CEP63: variants seen among roughly 807,000 people sequenced by gnomAD.
CEP63 encodes centrosomal protein 63.
A neutral mutation model predicts 89.1 loss-of-function variants in CEP63; 84 were observed. That is an observed-to-expected ratio of 0.94 (90% CI 0.79 to 1.13). The LOEUF (loss-of-function observed/expected upper bound fraction) is 1.13, where lower values mean the gene tolerates loss of function less well. Among genes scored for constraint, CEP63 ranks in the 50% most tolerant of loss-of-function variants. The pLI is 0.00. For missense variants in CEP63, 838 were observed against 813.3 expected (o/e 1.03, Z -0.37); for synonymous variants, 267 against 272.5 (o/e 0.98, Z 0.20).
intron 2 of CEP63, among the ~76,000 whole-genome samples, chr3:134,502,648 T>C (rs767398100): frequency 6.6e-5 from 10 of 152,306 alleles, no homozygotes; most frequent in Middle Eastern, 3.4e-3. Flanking sequence ...TTTGTACTTC[T>C]ATGGGATTGG....
chr3:134,500,915 G>A (rs1224928082), intron 2 of CEP63, among the ~76,000 whole-genome samples: 1 of 152,022 alleles, frequency 6.6e-6, no homozygotes, highest in East Asian at 1.9e-4. Flanking sequence ...TCTCTGCCTA[G>A]GCCAGTGTCC....
At chr3:134,544,949 G>A (rs1435131466) in intron 6 of CEP63, among the ~76,000 whole-genome samples, 1 of 152,096 alleles carries the variant, frequency 6.6e-6, no homozygotes, top group Non-Finnish European at 1.5e-5. Context: ...CTGGGTTCAT[G>A]TGATCCTCCC....
At position 134,528,252 on chromosome 3, in the gene CEP63, C is replaced by A. The variant is rs368252124; in HGVS notation, c.223-3593C>A. On this transcript the variant is annotated intron_variant, in intron 3 of 14. Transcript: ENST00000675561. The stretch of plus-strand genomic sequence containing the variant: ...TCCATCCACTCTTCAGTGACCCCCT[C>A]TGAAGATCTGTTAGGAGCACACCAG... 2.0e-5 allele frequency among the ~76,000 whole-genome samples: 3 copies of A among 152,280 alleles called. No individual in the cohort carries two copies. In the South Asian group the frequency reaches 6.2e-4, roughly 32 times the overall value.
the CEP63 span, among the ~76,000 whole-genome samples, chr3:134,622,696 T>TA: frequency 1.2e-4 from 19 of 152,104 alleles, no homozygotes; most frequent in South Asian, 2.1e-4. Flanking sequence ...TATTTTATGA[T>TA]AAAAAAAGAA....
At chr3:134,680,934 C>T in the CEP63 span, among the ~76,000 whole-genome samples, 1 of 152,232 alleles carries the variant, frequency 6.6e-6, no homozygotes, top group African/African-American at 2.4e-5. Context: ...TTCTTGCCTC[C>T]TGCCCTGGCA....
the CEP63 span, among the ~76,000 whole-genome samples, chr3:134,731,159 G>C: frequency 6.6e-6 from 1 of 152,118 alleles, no homozygotes; most frequent in African/African-American, 2.4e-5. Flanking sequence ...AATTGACAAA[G>C]ACACAACACA....
chr3:134,673,743 C>A, the CEP63 span, among the ~76,000 whole-genome samples: 4 of 152,164 alleles, frequency 2.6e-5, no homozygotes, highest in Non-Finnish European at 4.4e-5. Context: ...CAGCAGATGA[C>A]CTCATCTCCT....
intron 12 of CEP63, among the ~76,000 whole-genome samples, chr3:134,557,517 T>G (rs1407946987): frequency 6.6e-6 from 1 of 151,766 alleles, no homozygotes; most frequent in Non-Finnish European, 1.5e-5. Flanking sequence ...ACTACCATTT[T>G]TTCAAGTAGT....
chr3:134,753,476 G>A, the CEP63 span, among the ~76,000 whole-genome samples: 2 of 152,132 alleles, frequency 1.3e-5, no homozygotes, highest in Admixed American at 1.3e-4. Flanking sequence ...AAGGACCCTT[G>A]GTCTCCATAG....
At chr3:134,559,050 C>T in intron 13 of CEP63, 100 bp from the exon 14 acceptor site, 2 of 1,229,738 alleles carry the variant, frequency 1.6e-6, no homozygotes, top group Non-Finnish European at 2.4e-6. Flanking sequence ...AAATTGTAGC[C>T]TTATTAGTTA....
chr3:134,508,971 CTT>C (rs34900338), intron 3 of CEP63, among the ~76,000 whole-genome samples: 2 of 142,342 alleles, frequency 1.4e-5, no homozygotes, highest in African/African-American at 2.6e-5. Flanking sequence ...TTCTTTCTTG[CTT>C]TTTTTTTTTT....
chr3:134,707,623 A>C, the CEP63 span, among the ~76,000 whole-genome samples: 2 of 152,310 alleles, frequency 1.3e-5, no homozygotes, highest in East Asian at 1.9e-4. Flanking sequence ...GCTGTTAGGC[A>C]CAGACTTGAC....
chr3:134,574,658 A>G (rs536336651), intron 11 of CEP63: 28 of 403,304 alleles, frequency 6.9e-5, no homozygotes, highest in South Asian at 4.2e-4. Context: ...CCCAGGCTGG[A>G]GTTCAGTGGT....
the CEP63 span, among the ~76,000 whole-genome samples, chr3:134,675,189 G>T: frequency 3.0e-4 from 46 of 152,260 alleles, no homozygotes; most frequent in Middle Eastern, 3.4e-3. Context: ...TGAATAGACA[G>T]ATAGATAAAT....
chr3:134,738,541 T>G, the CEP63 span, among the ~76,000 whole-genome samples: 9 of 152,102 alleles, frequency 5.9e-5, no homozygotes, highest in Non-Finnish European at 1.0e-4. Flanking sequence ...TATCATATGT[T>G]GTCACTGATA....
chr3:134,565,553 G>A (rs1159390244), downstream of CEP63, among the ~76,000 whole-genome samples: 3 of 152,130 alleles, frequency 2.0e-5, no homozygotes, highest in Non-Finnish European at 4.4e-5. Context: ...AGTTAGAAAT[G>A]TGTCAGCTTG....
At chr3:134,690,138 G>A in the CEP63 span, among the ~76,000 whole-genome samples, 459 of 152,122 alleles carry the variant, frequency 3.0e-3, 1 homozygote, top group Non-Finnish European at 3.5e-3. Context: ...CCTTTGCTTG[G>A]ATAATTAGTA....
At chr3:134,708,725 C>T in the CEP63 span, among the ~76,000 whole-genome samples, 2 of 152,114 alleles carry the variant, frequency 1.3e-5, no homozygotes, top group Admixed American at 6.5e-5. Flanking sequence ...CCTTCCTGCC[C>T]CCTTTTGCCC....
At chr3:134,555,211 A>G (rs1268742472) in intron 12 of CEP63, among the ~76,000 whole-genome samples, 1 of 152,044 alleles carries the variant, frequency 6.6e-6, no homozygotes, top group Non-Finnish European at 1.5e-5. Flanking sequence ...GAAAACTGGC[A>G]CAAGACAGGG....
Sources: allele counts gnomAD v4.1 joint callset (sites outside exome capture counted in the v4.1 genomes callset), GRCh38; gene constraint gnomAD v4.1.1; transcripts MANE v1.5; gene names NCBI Gene and HGNC (gene_info 2026-07-23, HGNC 2026-07-21).